CAMK1: variants seen among roughly 807,000 people sequenced by gnomAD.
CAMK1 encodes the protein calcium/calmodulin-dependent protein kinase type 1.
A neutral mutation model predicts 49.1 loss-of-function variants in CAMK1; 39 were observed. The ratio of observed to expected loss-of-function variants is 0.79; its 90% CI spans 0.62 to 1.04. The LOEUF (loss-of-function observed/expected upper bound fraction) is 1.04, where lower values mean the gene tolerates loss of function less well. Ranked by LOEUF, CAMK1 falls within the 50% of genes least tolerant of loss-of-function variation. CAMK1 has a pLI of 0.00. For missense variants in CAMK1, 457 were observed against 472.2 expected, an observed-to-expected ratio of 0.97 and a Z score of 0.30; for synonymous variants, 192 against 185.2, an observed-to-expected ratio of 1.04 and a Z score of -0.30.
At position 9,759,653 on chromosome 3, in the gene CAMK1, A is replaced by G. The variant is rs760109896; in HGVS notation, c.824+19T>C. The G allele has an allele frequency of 1.2e-6, 2 of 1,614,164 alleles. No homozygotes were observed. The highest frequency in any genetic ancestry group is 8.5e-7 in the Non-Finnish European group (1 of 1,179,998). ...GGCCCCAAATCCCGCCCCAGCTCAC[A>G]GGTTGTGTGAATTCTCACCATGGGT... On this transcript the variant is annotated intron_variant, in intron 9 of 11. Coordinates refer to ENST00000256460, the MANE Select transcript of CAMK1 (RefSeq NM_003656.5).
intron 8 of CAMK1, chr3:9,759,989 T>A: frequency 2.1e-6 from 1 of 487,072 alleles, no homozygotes; most frequent in Non-Finnish European, 3.6e-6. Flanking sequence ...ATGTCTGTAA[T>A]CCCAGCACTT....
At chr3:9,764,627 T>G (rs866741365) in intron 3 of CAMK1, among the ~76,000 whole-genome samples, 1 of 109,396 alleles carries the variant, frequency 9.1e-6, no homozygotes. Context: ...GTTTTTTTTT[T>G]GTTTTTTTTT....
At chr3:9,767,833 G>T in intron 1 of CAMK1, 52 bp from the exon 2 acceptor site, 1 of 1,569,882 alleles carries the variant, frequency 6.4e-7, no homozygotes, top group Non-Finnish European at 8.7e-7. Flanking sequence ...CCTCTGTCTG[G>T]GAATTTACTG....
chr3:9,757,464 G>T lies in CAMK1; in HGVS notation c.*75C>A, dbSNP rs55801042. On this transcript the variant is annotated 3_prime_UTR_variant, in exon 12 of 12. Transcript: ENST00000256460. This position sits in a 1 kb window ranked among gnomAD's most constrained non-coding sequence, Gnocchi z 4.5. The stretch of plus-strand genomic sequence containing the variant: ...GAGGGGACAGGGCAGAGAAACTCCC[G>T]GTTCAGGGAGGGAAGGGGAGCAGGC... 1.9e-6 allele frequency: 3 copies of T among 1,602,124 alleles called. No homozygotes were observed. Among genetic ancestry groups the T allele is most frequent in the Admixed American group, 1.7e-5 (1 of 59,240 alleles).
rs764888044 is a variant in CAMK1, at chr3:9,761,529, T to G, written c.564A>C (p.Glu188Asp). The change falls in exon 7 of 12, where the codon GAA (glutamate) becomes GAC (aspartate). Residue 188 changes from glutamate to aspartate, a missense_variant. Glu to Asp is a conservative substitution (Grantham distance 45). Transcript: ENST00000256460. Reference protein sequence around the residue: ...ACGTPGYVAPEVLAQKPYSKA... With the variant: ...ACGTPGYVAPDVLAQKPYSKA... ...TGCTGTAGGGCTTCTGGGCCAGGACTTCAGGGGCTGTGGAGGGAAGAGGAC... is the reference window on the plus strand; with the variant it reads ...TGCTGTAGGGCTTCTGGGCCAGGACGTCAGGGGCTGTGGAGGGAAGAGGAC... The G allele has an allele frequency of 5.3e-5, 86 of 1,613,622 alleles. No individual in the cohort carries two copies. In the Middle Eastern group the frequency reaches 1.0e-3, roughly 19 times the overall value.
chr3:9,765,612 G>T, intron 3 of CAMK1, 147 bp downstream of exon 3: 2 of 943,752 alleles, frequency 2.1e-6, no homozygotes, highest in Non-Finnish European at 3.2e-6. Context: ...CCACAACCCT[G>T]CCAAGTGGAA....
intron 2 of CAMK1, among the ~76,000 whole-genome samples, chr3:9,767,017 C>T (rs562588778): frequency 6.6e-6 from 1 of 152,266 alleles, no homozygotes; most frequent in East Asian, 1.9e-4. Context: ...TGATTTTAAG[C>T]TCCATCACAC....
rs762871198 is a variant in CAMK1, at chr3:9,757,932, C to T, written c.913-86G>A. 15 of 1,514,428 alleles carry T rather than the reference C, an allele frequency of 9.9e-6. No individual in the cohort carries two copies. Among genetic ancestry groups the T allele is most frequent in the South Asian group, 1.3e-5 (1 of 75,344 alleles). 93.8% of individuals were successfully genotyped at this position (1,514,428 alleles called of 1,614,324 possible). On this transcript the variant is annotated intron_variant, in intron 10 of 11. Coordinates refer to ENST00000256460, the MANE Select transcript of CAMK1 (RefSeq NM_003656.5). This position sits in a 1 kb window ranked among gnomAD's most constrained non-coding sequence, Gnocchi z 4.5. ...GGGCAGGGGCGCAGTGGGATTCTTG[C>T]AATTGTTCTGTTATTTTCATTCAGG...
intron 8 of CAMK1, chr3:9,760,034 A>T (rs1360934841): frequency 3.0e-6 from 1 of 331,730 alleles, no homozygotes; most frequent in African/African-American, 2.1e-5. Context: ...CGAGGTCAGG[A>T]GTTCAAGACC....
rs55801042 is a variant in CAMK1 at position 9,757,464 on chromosome 3, G to A, written c.*75C>T. 8.3e-4 allele frequency: 1,336 copies of A among 1,602,238 alleles called. 17 individuals are homozygous for A. In the East Asian group the frequency reaches 0.026, roughly 31 times the overall value. ...GAGGGGACAGGGCAGAGAAACTCCC[G>A]GTTCAGGGAGGGAAGGGGAGCAGGC... On this transcript the variant is annotated 3_prime_UTR_variant, in exon 12 of 12. Coordinates refer to ENST00000256460, the MANE Select transcript of CAMK1 (RefSeq NM_003656.5). The surrounding 1 kb of genome is among the most constrained non-coding windows in gnomAD (Gnocchi z 4.5).
chr3:9,758,104 T>G, intron 10 of CAMK1: 1 of 432,074 alleles, frequency 2.3e-6, no homozygotes, highest in Non-Finnish European at 4.1e-6. Flanking sequence ...TAATATGTAA[T>G]AGCAAACACT....
intron 7 of CAMK1, 123 bp from the exon 8 acceptor site, chr3:9,760,891 T>G: frequency 2.1e-6 from 3 of 1,405,624 alleles, no homozygotes; most frequent in Non-Finnish European, 2.9e-6. Flanking sequence ...TTATAAACTC[T>G]ACCAGCCCTG....
chr3:9,758,110 A>G lies in CAMK1; in HGVS notation c.913-264T>C, dbSNP rs2077673688. ...AATTCATATTAATATGTAATAGCAA[A>G]CACTATAGCACTGTATGTCAGGCAC... On this transcript the variant is annotated intron_variant, in intron 10 of 11. Coordinates refer to ENST00000256460, the MANE Select transcript of CAMK1 (RefSeq NM_003656.5). The G allele has an allele frequency of 1.6e-5, 6 of 377,164 alleles. No homozygotes were observed. The South Asian group carries it at 2.6e-4, about 17-fold the overall frequency. 23.4% of individuals were successfully genotyped at this position (377,164 alleles called of 1,614,324 possible).
intron 8 of CAMK1, 96 bp downstream of exon 8, chr3:9,760,560 T>G: frequency 4.7e-6 from 6 of 1,273,882 alleles, no homozygotes; most frequent in Non-Finnish European, 6.8e-6. Flanking sequence ...TGCTGGAAAA[T>G]CCGACAGAAG....
Position 9,765,811 on chromosome 3 carries a change from C to A in CAMK1, c.163G>T (p.Ala55Ser), listed in dbSNP as rs777431790. The A allele has an allele frequency of 6.2e-7, 1 of 1,614,098 alleles. No homozygotes were observed. The highest frequency in any genetic ancestry group is 8.5e-7 in the Non-Finnish European group (1 of 1,180,006). Reference sequence around the variant, plus strand: ...ATGCTGCCTTCCTTGCCCTCCAGGGCCTCCTTGGCAATGCATTTGATGGCC... The same window carrying A: ...ATGCTGCCTTCCTTGCCCTCCAGGGACTCCTTGGCAATGCATTTGATGGCC... ...LVAIKCIAKE[A>S]LEGKEGSMEN... Residue 55 changes from alanine to serine, a missense_variant, in exon 3 of 12, where the codon GCC becomes TCC. Ala to Ser is a moderately conservative substitution (Grantham distance 99). Coordinates refer to ENST00000256460, the MANE Select transcript of CAMK1 (RefSeq NM_003656.5).
intron 2 of CAMK1, chr3:9,766,848 CAG>C: frequency 6.0e-6 from 1 of 166,380 alleles, no homozygotes; most frequent in Non-Finnish European, 1.3e-5. Flanking sequence ...AAGCTGTGGC[CAG>C]AGTGACTATC....
intron 5 of CAMK1, chr3:9,762,122 C>A: frequency 5.5e-6 from 1 of 180,656 alleles, no homozygotes; most frequent in Non-Finnish European, 1.2e-5. Context: ...AAACTGATGC[C>A]TTTGGAGGCA....
At chr3:9,769,060 A>G (rs901266924) in intron 1 of CAMK1, among the ~76,000 whole-genome samples, 1 of 151,876 alleles carries the variant, frequency 6.6e-6, no homozygotes, top group Admixed American at 6.6e-5. Flanking sequence ...TACGCCTTGT[A>G]TCCACATCCC....
intron 3 of CAMK1, among the ~76,000 whole-genome samples, chr3:9,765,388 G>C (rs1264009828): frequency 1.3e-5 from 2 of 152,176 alleles, no homozygotes; most frequent in Non-Finnish European, 2.9e-5. Context: ...TCAGCAGACA[G>C]TCATTTTTAA....
Sources: gnomAD v4.1 joint callset for allele counts (sites outside exome capture counted in the v4.1 genomes callset) on GRCh38, gnomAD v4.1.1 for gene constraint, Gnocchi (gnomAD v3.1) non-coding constraint, MANE v1.5 for transcripts, NCBI Gene and HGNC (gene_info 2026-07-23, HGNC 2026-07-21) for gene names.